The following AGPAT3 variants were observed in gnomAD, a reference collection of about 807,000 sequenced individuals.
The protein encoded by AGPAT3 is 1-acyl-sn-glycerol-3-phosphate acyltransferase gamma.
In AGPAT3, 5 loss-of-function variants were observed where a neutral mutation model predicts 47.3. That is an observed-to-expected ratio of 0.11 (90% CI 0.06 to 0.22). The LOEUF (loss-of-function observed/expected upper bound fraction) is 0.22. Among genes scored for constraint, AGPAT3 ranks in the 10% least tolerant of loss-of-function variants. AGPAT3 has a pLI of 1.00. For missense variants in AGPAT3, 315 were observed against 493.0 expected (o/e 0.64, Z 3.42); for synonymous variants, 212 against 208.3 (o/e 1.02, Z -0.15).
chr21:43,986,348 C>T lies in AGPAT3; in HGVS notation c.*3956C>T, dbSNP rs187286974. ...GTGTCGCCGGCCCAGGCAACAGCAG[C>T]GTACGCTTTTCAAAGATCATTGAGT... On this transcript the variant is annotated 3_prime_UTR_variant, in exon 10 of 10. Transcript: ENST00000291572. The T allele has an allele frequency of 2.6e-5, 4 of 152,496 alleles. No individual in the cohort carries two copies. The highest frequency in any genetic ancestry group is 5.9e-5 in the Non-Finnish European group (4 of 68,034). The allele number at this position is 152,496 out of a possible 1,614,324, so 9.4% of individuals were successfully genotyped here. A position where few individuals can be genotyped will look rare whatever the true frequency, so the allele number is the denominator to read the frequency against.
At position 43,985,369 on chromosome 21, in the gene AGPAT3, A is replaced by C; in HGVS notation, c.*2977A>C. On this transcript the variant is annotated 3_prime_UTR_variant, in exon 10 of 10. Coordinates refer to ENST00000291572, the MANE Select transcript of AGPAT3 (RefSeq NM_020132.5). Reference sequence around the variant, plus strand: ...TGAACAAATCACTAAATAACACAAAACAACAATGTAAGCAGCACTTTCTTG... The same window carrying C: ...TGAACAAATCACTAAATAACACAAACCAACAATGTAAGCAGCACTTTCTTG... The C allele has an allele frequency of 3.0e-6, 1 of 338,608 alleles. No homozygotes were observed. Among genetic ancestry groups the C allele is most frequent in the Non-Finnish European group, 5.8e-6 (1 of 171,030 alleles). 21.0% of individuals were successfully genotyped at this position (338,608 alleles called of 1,614,324 possible).
chr21:43,957,554 T>C lies in AGPAT3; in HGVS notation c.-48-2080T>C, dbSNP rs1164668862. Among the ~76,000 whole-genome samples, 5 of 141,026 alleles carry C rather than the reference T, an allele frequency of 3.5e-5. No individual in the cohort carries two copies. The East Asian group carries it at 1.1e-3, about 31-fold the overall frequency. The allele number at this position is 141,026 out of a possible 152,430, so 92.5% of individuals were successfully genotyped here. ...CACACGGGGGTCTCGGGTTTCCCCCTCCACACGGGGGTCTCGGGTTTCCCC... is the reference window on the plus strand; with the variant it reads ...CACACGGGGGTCTCGGGTTTCCCCCCCCACACGGGGGTCTCGGGTTTCCCC... On this transcript the variant is annotated intron_variant, in intron 2 of 9. Coordinates refer to ENST00000291572, the MANE Select transcript of AGPAT3 (RefSeq NM_020132.5).
Position 43,981,371 on chromosome 21 carries a change from A to G in AGPAT3, c.1042+184A>G. The stretch of plus-strand genomic sequence containing the variant: ...GAGCCTGGATTCTTGCACTGAGCTG[A>G]GGGTCGCCTCCCCAGAGAGCCGAAC... On this transcript the variant is annotated intron_variant, in intron 9 of 9. Coordinates refer to ENST00000291572, the MANE Select transcript of AGPAT3 (RefSeq NM_020132.5). The surrounding 1 kb of genome is among the most constrained non-coding windows in gnomAD (Gnocchi z 5.3). 1.5e-6 allele frequency: 1 copy of G among 676,272 alleles called. No individual in the cohort carries two copies. The allele number at this position is 676,272 out of a possible 1,614,324, so 41.9% of individuals were successfully genotyped here.
intron 3 of AGPAT3, among the ~76,000 whole-genome samples, chr21:43,963,618 G>T (rs1434089123): frequency 1.3e-5 from 2 of 149,588 alleles, no homozygotes; most frequent in Non-Finnish European, 3.0e-5. Context: ...TGAGGCAGGG[G>T]AATCATTTGA....
chr21:43,873,181 G>T (rs569646239), intron 1 of AGPAT3, among the ~76,000 whole-genome samples: 31 of 152,320 alleles, frequency 2.0e-4, no homozygotes, highest in African/African-American at 7.2e-4. Context: ...AGTGGCATGG[G>T]TGTTGGAGTC....
chr21:43,931,957 G>GTA (rs1555904357), intron 2 of AGPAT3, among the ~76,000 whole-genome samples: 2 of 132,636 alleles, frequency 1.5e-5, no homozygotes, highest in Admixed American at 7.6e-5. Flanking sequence ...GTGTGTGTGT[G>GTA]TGTGTGTGTC....
At chr21:43,893,077 C>T (rs1307405899) in intron 1 of AGPAT3, among the ~76,000 whole-genome samples, 4 of 152,178 alleles carry the variant, frequency 2.6e-5, no homozygotes, top group South Asian at 2.1e-4. Context: ...CCTAGGCAAC[C>T]GAGTGACACC....
rs117173179 is a variant in AGPAT3, at chr21:43,951,213, C to T, written c.-48-8421C>T. Reference sequence around the variant, plus strand: ...CCAGAGCCCTTGGGTGCGGGGTGGGCGGGACAGAGAAGAGGAAGGGGGGAA... The same window carrying T: ...CCAGAGCCCTTGGGTGCGGGGTGGGTGGGACAGAGAAGAGGAAGGGGGGAA... On this transcript the variant is annotated intron_variant, in intron 2 of 9. Transcript: ENST00000291572. Among the ~76,000 whole-genome samples the T allele has an allele frequency of 3.4e-4, 51 of 152,132 alleles. 1 individual carries two copies. The East Asian group carries it at 8.1e-3, about 24-fold the overall frequency.
rs1055006500 is a variant in AGPAT3 at position 43,922,949 on chromosome 21, G to A, written c.-49+18930G>A. Among the ~76,000 whole-genome samples, 57 of 152,336 alleles carry A rather than the reference G, an allele frequency of 3.7e-4. No individual in the cohort carries two copies. The highest frequency in any genetic ancestry group is 1.3e-3 in the African/African-American group (53 of 41,578). ...GCGGGGCGGGCTCTGGGGTGCGAGCGTCTGTTCTGTGTCAGGAGTCCCTGT... is the reference window on the plus strand; with the variant it reads ...GCGGGGCGGGCTCTGGGGTGCGAGCATCTGTTCTGTGTCAGGAGTCCCTGT... On this transcript the variant is annotated intron_variant, in intron 2 of 9. Transcript: ENST00000291572. This position sits in a 1 kb window ranked among gnomAD's most constrained non-coding sequence, Gnocchi z 4.9.
intron 2 of AGPAT3, among the ~76,000 whole-genome samples, chr21:43,958,700 CAT>C (rs1156448937): frequency 7.6e-6 from 1 of 132,448 alleles, no homozygotes; most frequent in Admixed American, 7.7e-5. Context: ...GTGTATGTGG[CAT>C]ATGTGTGGTT....
chr21:43,896,108 T>C lies in AGPAT3; in HGVS notation c.-111-7849T>C, dbSNP rs968567730. 2.0e-5 allele frequency among the ~76,000 whole-genome samples: 3 copies of C among 152,234 alleles called. No homozygotes were observed. The South Asian group carries it at 6.2e-4, about 32-fold the overall frequency. ...TAGTAGAGATGGGGTTTCACCATGC[T>C]GGCCAGGCTGGTCTTGAACTCCTGA... On this transcript the variant is annotated intron_variant, in intron 1 of 9. Transcript: ENST00000291572.
Position 43,934,796 on chromosome 21 carries a change from G to A in AGPAT3, c.-48-24838G>A, listed in dbSNP as rs927799900. Among the ~76,000 whole-genome samples, 7 of 149,696 alleles carry A rather than the reference G, an allele frequency of 4.7e-5. No individual in the cohort carries two copies. The highest frequency in any genetic ancestry group is 7.4e-5 in the African/African-American group (3 of 40,496). On this transcript the variant is annotated intron_variant, in intron 2 of 9. Coordinates refer to ENST00000291572, the MANE Select transcript of AGPAT3 (RefSeq NM_020132.5). The surrounding 1 kb of genome is among the most constrained non-coding windows in gnomAD (Gnocchi z 4.7). ...ATCACGCCACCCACGCCACTCACAC[G>A]CCACCCATGCCACCCACACCACCTC...
At chr21:43,980,284 A>C (rs912546494) in intron 8 of AGPAT3, among the ~76,000 whole-genome samples, 2 of 149,066 alleles carry the variant, frequency 1.3e-5, no homozygotes, top group Admixed American at 6.6e-5. Context: ...TCAAAAAAAA[A>C]AAAAAAACAA....
rs1325033564 is a variant in AGPAT3 at position 43,984,144 on chromosome 21, C to T, written c.*1752C>T. ...CGAAACCAGATGAGACCAACGACAC[C>T]ATGCGAGACACGCTTGCAGACACTG... On this transcript the variant is annotated 3_prime_UTR_variant, in exon 10 of 10. Coordinates refer to ENST00000291572, the MANE Select transcript of AGPAT3 (RefSeq NM_020132.5). 1 of 152,288 alleles carries T rather than the reference C, an allele frequency of 6.6e-6. No homozygotes were observed. The highest frequency in any genetic ancestry group is 2.4e-5 in the African/African-American group (1 of 41,458). 9.4% of individuals were successfully genotyped at this position (152,288 alleles called of 1,614,324 possible).
chr21:43,909,686 T>C (rs902755545), intron 2 of AGPAT3, among the ~76,000 whole-genome samples: 2 of 152,204 alleles, frequency 1.3e-5, no homozygotes, highest in African/African-American at 4.8e-5. Context: ...CCATCATATT[T>C]GTCTCAGGTC....
intron 1 of AGPAT3, among the ~76,000 whole-genome samples, chr21:43,874,651 C>T (rs2085694739): frequency 6.6e-6 from 1 of 152,200 alleles, no homozygotes; most frequent in South Asian, 2.1e-4. Flanking sequence ...AATTGTCCTT[C>T]CTGTGTCAGT....
chr21:43,913,401 A>T (rs558299240), intron 2 of AGPAT3, among the ~76,000 whole-genome samples: 204 of 152,264 alleles, frequency 1.3e-3, no homozygotes, highest in Non-Finnish European at 1.7e-3. Flanking sequence ...CCTGGGCAAC[A>T]TGGTGAAACC....
At chr21:43,928,235 G>A (rs1050276284) in intron 2 of AGPAT3, among the ~76,000 whole-genome samples, 1 of 152,222 alleles carries the variant, frequency 6.6e-6, no homozygotes, top group Non-Finnish European at 1.5e-5. Flanking sequence ...AGCCACAGGG[G>A]CCCTCTTCTC....
intron 2 of AGPAT3, among the ~76,000 whole-genome samples, chr21:43,909,085 T>G (rs999654573): frequency 6.6e-6 from 1 of 152,208 alleles, no homozygotes; most frequent in Non-Finnish European, 1.5e-5. Context: ...TTTTTCTTTG[T>G]ACAACAAACA....
Sources: gnomAD v4.1 joint callset for allele counts (sites outside exome capture counted in the v4.1 genomes callset) on GRCh38, gnomAD v4.1.1 for gene constraint, Gnocchi (gnomAD v3.1) non-coding constraint, MANE v1.5 for transcripts, NCBI Gene and HGNC (gene_info 2026-07-23, HGNC 2026-07-21) for gene names.